RPTOR: variants seen among roughly 807,000 people sequenced by gnomAD.
RPTOR encodes regulatory-associated protein of mTOR.
In RPTOR, 21 loss-of-function variants were observed where a neutral mutation model predicts 169.9. The ratio of observed to expected loss-of-function variants is 0.12; its 90% CI spans 0.09 to 0.18. The LOEUF is 0.18. Among genes scored for constraint, RPTOR ranks in the 10% least tolerant of loss-of-function variants. RPTOR has a pLI of 1.00. For missense variants in RPTOR, 1,133 were observed against 1,855.9 expected, an observed-to-expected ratio of 0.61 and a Z score of 7.16; for synonymous variants, 732 against 753.2, an observed-to-expected ratio of 0.97 and a Z score of 0.46.
chr17:80,942,472 G>T (rs1047523222), intron 25 of RPTOR, among the ~76,000 whole-genome samples: 1 of 151,750 alleles, frequency 6.6e-6, no homozygotes, highest in Non-Finnish European at 1.5e-5. Context: ...AGGAGCTGCT[G>T]AGCCGCTGGA....
intron 3 of RPTOR, among the ~76,000 whole-genome samples, chr17:80,663,203 C>T (rs529934899): frequency 1.3e-5 from 2 of 152,316 alleles, no homozygotes; most frequent in Admixed American, 6.5e-5. Context: ...CTCCCTCTCC[C>T]ACAGGTTCAC....
chr17:80,717,042 G>T (rs747405195), intron 4 of RPTOR, among the ~76,000 whole-genome samples: 5 of 151,998 alleles, frequency 3.3e-5, no homozygotes, highest in Admixed American at 2.6e-4. Context: ...GTCTTGCTTC[G>T]GCTATGCAGG....
At position 80,966,057 on chromosome 17, in the gene RPTOR, T is replaced by C. The variant is rs1062935; in HGVS notation, c.*1727T>C. The stretch of plus-strand genomic sequence containing the variant: ...TCAATTCTTACCCAACACGCGTTTC[T>C]GTTTGTTTTGAGACAAAATCACCAC... On this transcript the variant is annotated 3_prime_UTR_variant, in exon 34 of 34. Transcript: ENST00000306801. The C allele has an allele frequency of 0.43, 98,509 of 230,630 alleles. 22,913 individuals carry two copies. Among genetic ancestry groups the C allele is most frequent in the Admixed American group, 0.53 (9,242 of 17,582 alleles). The allele number at this position is 230,630 out of a possible 1,614,324, so 14.3% of individuals were successfully genotyped here. A position where few individuals can be genotyped will look rare whatever the true frequency, so the allele number is the denominator to read the frequency against.
chr17:80,954,197 C>G (rs1023785422), intron 28 of RPTOR, among the ~76,000 whole-genome samples: 1 of 152,056 alleles, frequency 6.6e-6, no homozygotes, highest in African/African-American at 2.4e-5. Context: ...TCTTGGCTCA[C>G]TGCAACCTCC....
At position 80,923,607 on chromosome 17, in the gene RPTOR, G is replaced by T. The variant is rs757616521; in HGVS notation, c.2742G>T (p.Ala914=). ...CGGGCACCACAGGCCCCGCTGGGGC[G>T]CAGTACACCCCTCACTCCCACCAGT... ...GRPGTTGPAG[A]QYTPHSHQFP... The change falls in exon 23 of 34, where the codon GCG becomes GCT. Residue 914 remains alanine (A), a synonymous_variant. Transcript: ENST00000306801. The T allele has an allele frequency of 1.1e-5, 18 of 1,612,946 alleles. No homozygotes were observed. The highest frequency in any genetic ancestry group is 1.5e-5 in the Non-Finnish European group (18 of 1,179,870).
rs1270444363 is a variant in RPTOR, at chr17:80,583,879, A to G, written c.162+38088A>G. On this transcript the variant is annotated intron_variant, in intron 1 of 33. Coordinates refer to ENST00000306801, the MANE Select transcript of RPTOR (RefSeq NM_020761.3). Reference sequence around the variant, plus strand: ...TATTTGGCCCATGATGAGTGGAGAAAGAGACCTTTGCCCAGGTGTCCATGT... The same window carrying G: ...TATTTGGCCCATGATGAGTGGAGAAGGAGACCTTTGCCCAGGTGTCCATGT... Among the ~76,000 whole-genome samples, 4 of 152,326 alleles carry G rather than the reference A, an allele frequency of 2.6e-5. No individual in the cohort carries two copies. The East Asian group carries it at 7.7e-4, about 29-fold the overall frequency.
intron 3 of RPTOR, among the ~76,000 whole-genome samples, chr17:80,694,100 G>A (rs2066015880): frequency 6.6e-6 from 1 of 152,278 alleles, no homozygotes; most frequent in Non-Finnish European, 1.5e-5. Flanking sequence ...GTTTACAGCT[G>A]TAGAGCAAAT....
chr17:80,754,315 T>C lies in RPTOR; in HGVS notation c.830+130T>C, dbSNP rs2066658899. 2.3e-6 allele frequency: 2 copies of C among 881,912 alleles called. No individual in the cohort carries two copies. The highest frequency in any genetic ancestry group is 3.5e-6 in the Non-Finnish European group (2 of 579,420). The allele number at this position is 881,912 out of a possible 1,614,324, so 54.6% of individuals were successfully genotyped here. On this transcript the variant is annotated intron_variant, in intron 6 of 33. Coordinates refer to ENST00000306801, the MANE Select transcript of RPTOR (RefSeq NM_020761.3). This position sits in a 1 kb window ranked among gnomAD's most constrained non-coding sequence, Gnocchi z 4.2. ...GTGACAGACATGAGTGTCCCCGCCT[T>C]CTTTTTGTGTCATTCGGGATTCCAG...
intron 5 of RPTOR, among the ~76,000 whole-genome samples, chr17:80,743,827 C>CTAGCACTGTCCTGGT: frequency 3.3e-5 from 1 of 30,588 alleles, no homozygotes; most frequent in Non-Finnish European, 8.1e-5. Flanking sequence ...AGAGCCCTGG[C>CTAGCACTGTCCTGGT]TACTAGCACA....
In RPTOR at chr17:80,841,808, A is replaced by T. The variant is rs1284191610; in HGVS notation, c.1212+3811A>T. Reference sequence around the variant, plus strand: ...TCTCACCGCACGGCAGCTCACACTCACCGCACGGCAGCTCACTCTCACCGC... The same window carrying T: ...TCTCACCGCACGGCAGCTCACACTCTCCGCACGGCAGCTCACTCTCACCGC... On this transcript the variant is annotated intron_variant, in intron 10 of 33. Coordinates refer to ENST00000306801, the MANE Select transcript of RPTOR (RefSeq NM_020761.3). Among the ~76,000 whole-genome samples the T allele has an allele frequency of 5.7e-5, 7 of 123,560 alleles. No individual in the cohort carries two copies. In the Admixed American group the frequency reaches 5.7e-4, roughly 10 times the overall value. The allele number at this position is 123,560 out of a possible 152,430, so 81.1% of individuals were successfully genotyped here.
chr17:80,778,183 G>A (rs909773703), intron 6 of RPTOR, among the ~76,000 whole-genome samples: 2 of 152,168 alleles, frequency 1.3e-5, no homozygotes, highest in South Asian at 4.1e-4. Context: ...GTGCCGCAAG[G>A]TGCTAGGCCA....
At chr17:80,732,673 A>G (rs1326220640) in intron 5 of RPTOR, among the ~76,000 whole-genome samples, 1 of 152,148 alleles carries the variant, frequency 6.6e-6, no homozygotes, top group Non-Finnish European at 1.5e-5. Context: ...GTGTGTTTCT[A>G]TTACACTTAC....
intron 1 of RPTOR, among the ~76,000 whole-genome samples, chr17:80,601,555 C>CTTCTTTTTCTTTT (rs1555594158): frequency 5.6e-5 from 1 of 18,000 alleles, no homozygotes; most frequent in Non-Finnish European, 9.2e-5. Context: ...ATGGTTCAGT[C>CTTCTTTTTCTTTT]TTTTTTTTTT....
chr17:80,879,246 T>TGACCCAGCTCC (rs1194154259), intron 13 of RPTOR, among the ~76,000 whole-genome samples: 1 of 151,828 alleles, frequency 6.6e-6, no homozygotes, highest in African/African-American at 2.4e-5. Context: ...CTGTCCTTGC[T>TGACCCAGCTCC]GACCCAGCTC....
intron 1 of RPTOR, among the ~76,000 whole-genome samples, chr17:80,556,163 C>T (rs1475758601): frequency 3.3e-5 from 5 of 152,018 alleles, no homozygotes; most frequent in East Asian, 1.9e-4. Context: ...CCTCCTATTT[C>T]TCCAGAATTC....
chr17:80,899,479 C>A (rs1048314449), intron 20 of RPTOR, among the ~76,000 whole-genome samples: 1 of 152,318 alleles, frequency 6.6e-6, no homozygotes, highest in East Asian at 1.9e-4. Context: ...CCCCTGGCCC[C>A]GGCCACAGCT....
Position 80,741,486 on chromosome 17 carries a change from A to G in RPTOR, c.654+10780A>G, listed in dbSNP as rs1449317033. ...GGCAAAAGGAGTTAAAGGCAACACC[A>G]GTGTTTTGGCCTGGGTGGAATGGAG... On this transcript the variant is annotated intron_variant, in intron 5 of 33. Coordinates refer to ENST00000306801, the MANE Select transcript of RPTOR (RefSeq NM_020761.3). Among the ~76,000 whole-genome samples, 3 of 152,210 alleles carry G rather than the reference A, an allele frequency of 2.0e-5. No homozygotes were observed. In the East Asian group the frequency reaches 5.8e-4, roughly 29 times the overall value.
chr17:80,905,040 C>A (rs1285183285), intron 20 of RPTOR, among the ~76,000 whole-genome samples: 1 of 151,920 alleles, frequency 6.6e-6, no homozygotes, highest in African/African-American at 2.4e-5. Flanking sequence ...GGGCCCAGGG[C>A]CCACGACGCT....
chr17:80,952,190 A>G (rs1354675652), intron 28 of RPTOR, among the ~76,000 whole-genome samples: 1 of 152,250 alleles, frequency 6.6e-6, no homozygotes, highest in Non-Finnish European at 1.5e-5. Flanking sequence ...TGAAAGTCAC[A>G]GTCACCAGGA....
Sources: gnomAD v4.1 joint callset for allele counts (sites outside exome capture counted in the v4.1 genomes callset) on GRCh38, gnomAD v4.1.1 for gene constraint, Gnocchi (gnomAD v3.1) non-coding constraint, MANE v1.5 for transcripts, NCBI Gene and HGNC (gene_info 2026-07-23, HGNC 2026-07-21) for gene names.